The following OCA2 variants were observed in gnomAD, a reference collection of about 807,000 sequenced individuals.
The protein encoded by OCA2 is OCA2 melanosomal transmembrane protein, also known as P protein.
In OCA2, 77 loss-of-function variants were observed where a neutral mutation model predicts 100.2. The observed-to-expected ratio is 0.77, with a 90% CI of 0.64 to 0.93. The LOEUF (loss-of-function observed/expected upper bound fraction) is 0.93. Among genes scored for constraint, OCA2 ranks in the 40% least tolerant of loss-of-function variants. The pLI is 0.00. For missense variants in OCA2, 1,062 were observed against 1,089.1 expected (o/e 0.98, Z 0.35); for synonymous variants, 432 against 439.2 (o/e 0.98, Z 0.21).
chr15:27,943,726 C>T (rs933930862), intron 18 of OCA2, among the ~76,000 whole-genome samples: 4 of 151,342 alleles, frequency 2.6e-5, no homozygotes, highest in Non-Finnish European at 5.9e-5. Context: ...TTAACCCAGG[C>T]TCTTCTTTCT....
intron 23 of OCA2, among the ~76,000 whole-genome samples, chr15:27,832,042 C>T (rs1234835032): frequency 6.6e-6 from 1 of 152,094 alleles, no homozygotes; most frequent in African/African-American, 2.4e-5. Context: ...TGCCAGACCT[C>T]TATGCTTGCA....
chr15:28,023,267 A>G (rs141025389), intron 5 of OCA2, among the ~76,000 whole-genome samples: 68 of 152,346 alleles, frequency 4.5e-4, no homozygotes, highest in African/African-American at 1.5e-3. Context: ...TCAGAGCTCA[A>G]TGTAATTGGT....
At chr15:27,903,625 C>A (rs2038053308) in intron 19 of OCA2, among the ~76,000 whole-genome samples, 1 of 152,218 alleles carries the variant, frequency 6.6e-6, no homozygotes, top group South Asian at 2.1e-4. Flanking sequence ...TTCCTGCCCT[C>A]CATCCCCCAG....
chr15:27,764,235 G>A (rs1171064196), intron 23 of OCA2, among the ~76,000 whole-genome samples: 1 of 151,454 alleles, frequency 6.6e-6, no homozygotes, highest in Non-Finnish European at 1.5e-5. Flanking sequence ...GAAAATAGAG[G>A]GGAGAAAGGA....
chr15:27,990,564 G>C lies in OCA2; in HGVS notation c.1116+12C>G. 1 of 1,613,470 alleles carries C rather than the reference G, an allele frequency of 6.2e-7. No individual in the cohort carries two copies. The highest frequency in any genetic ancestry group is 8.5e-7 in the Non-Finnish European group (1 of 1,179,532). Reference sequence around the variant, plus strand: ...GAGTGGTAAGCCAGGGATTGGGACTGTGACAACTTACATCGCCAATCACAG... The same window carrying C: ...GAGTGGTAAGCCAGGGATTGGGACTCTGACAACTTACATCGCCAATCACAG... On this transcript the variant is annotated intron_variant, in intron 10 of 23. Transcript: ENST00000354638.
At chr15:27,944,478 T>G (rs2039764102) in intron 18 of OCA2, among the ~76,000 whole-genome samples, 1 of 152,224 alleles carries the variant, frequency 6.6e-6, no homozygotes, top group South Asian at 2.1e-4. Context: ...CCAGCCATTA[T>G]TCTGGAGGTC....
intron 18 of OCA2, among the ~76,000 whole-genome samples, chr15:27,942,598 G>A (rs2039688238): frequency 6.6e-6 from 1 of 152,084 alleles, no homozygotes; most frequent in South Asian, 2.1e-4. Context: ...GACAATGGTT[G>A]TACAACTTTG....
At position 27,951,871 on chromosome 15, in the gene OCA2, G is replaced by A. The variant is rs543493041; in HGVS notation, c.1864C>T (p.Leu622=). Residue 622 remains leucine, a synonymous_variant, in exon 18 of 24, where the codon CTG becomes TTG. Transcript: ENST00000354638. ...QKKHRISDGI[L]LAKCLTVLGF... ...AACACTGTCAGGCATTTGGCGAGCA[G>A]AATCCCGTCAGATATCCTATGCTGT... 2.3e-5 allele frequency: 37 copies of A among 1,613,316 alleles called. No homozygotes were observed. Among genetic ancestry groups the A allele is most frequent in the Non-Finnish European group, 3.1e-5 (36 of 1,179,274 alleles).
chr15:27,726,770 A>G, the OCA2 span, among the ~76,000 whole-genome samples: 1 of 151,202 alleles, frequency 6.6e-6, no homozygotes, highest in Non-Finnish European at 1.5e-5. Context: ...AATAAAATAA[A>G]AAGAAGAAGG....
chr15:27,804,229 T>C (rs2033732128), intron 23 of OCA2, among the ~76,000 whole-genome samples: 1 of 152,230 alleles, frequency 6.6e-6, no homozygotes, highest in African/African-American at 2.4e-5. Flanking sequence ...CCAGGAATTG[T>C]GAGAAGAACA....
intron 21 of OCA2, among the ~76,000 whole-genome samples, chr15:27,870,910 G>A (rs1293843979): frequency 4.6e-5 from 7 of 152,152 alleles, no homozygotes; most frequent in Non-Finnish European, 8.8e-5. Flanking sequence ...GGCTGACCTC[G>A]AGATCACCAG....
chr15:27,804,692 C>G (rs2033751809), intron 23 of OCA2, among the ~76,000 whole-genome samples: 1 of 152,152 alleles, frequency 6.6e-6, no homozygotes, highest in Non-Finnish European at 1.5e-5. Flanking sequence ...AACTAGAGCC[C>G]AGAGAATGGG....
chr15:28,073,671 C>G (rs899934446), intron 2 of OCA2, among the ~76,000 whole-genome samples: 1 of 152,128 alleles, frequency 6.6e-6, no homozygotes, highest in Non-Finnish European at 1.5e-5. Context: ...ACCTAGGTGA[C>G]GGGATCCATA....
At position 28,054,143 on chromosome 15, in the gene OCA2, C is replaced by A. The variant is rs893281307; in HGVS notation, c.228-21980G>T. Among the ~76,000 whole-genome samples, 4 of 152,066 alleles carry A rather than the reference C, an allele frequency of 2.6e-5. No individual in the cohort carries two copies. In the East Asian group the frequency reaches 7.7e-4, roughly 29 times the overall value. On this transcript the variant is annotated intron_variant, in intron 2 of 23. Coordinates refer to ENST00000354638, the MANE Select transcript of OCA2 (RefSeq NM_000275.3). ...GTGTATGTAAATATGTGTATGTATACAAATACTGTACATATATGTATTATA... is the reference window on the plus strand; with the variant it reads ...GTGTATGTAAATATGTGTATGTATAAAAATACTGTACATATATGTATTATA...
intron 23 of OCA2, among the ~76,000 whole-genome samples, chr15:27,841,952 T>C (rs969281780): frequency 2.6e-5 from 4 of 152,248 alleles, no homozygotes; most frequent in African/African-American, 9.6e-5. Context: ...TGCCAGCTTG[T>C]CAATATTTAT....
downstream of OCA2, among the ~76,000 whole-genome samples, chr15:27,751,231 C>T (rs1447117215): frequency 2.6e-5 from 4 of 152,150 alleles, no homozygotes; most frequent in Non-Finnish European, 5.9e-5. Context: ...GTGCTAAGTC[C>T]GCATAATAAT....
At chr15:27,996,925 A>C (rs1025809218) in intron 9 of OCA2, among the ~76,000 whole-genome samples, 1 of 151,900 alleles carries the variant, frequency 6.6e-6, no homozygotes, top group African/African-American at 2.4e-5. Flanking sequence ...AAGAGAGAAC[A>C]CTTCGAAACT....
the OCA2 span, among the ~76,000 whole-genome samples, chr15:27,729,715 C>T: frequency 6.6e-6 from 1 of 152,184 alleles, no homozygotes; most frequent in South Asian, 2.1e-4. Context: ...CGTTTAAGGA[C>T]TCATGGTTGT....
At chr15:27,769,884 TCGGCCTGTGTG>T (rs2031579773) in intron 23 of OCA2, among the ~76,000 whole-genome samples, 1 of 137,790 alleles carries the variant, frequency 7.3e-6, no homozygotes, top group African/African-American at 3.6e-5. Flanking sequence ...GTGCAGCGCC[TCGGCCTGTGTG>T]CAGCGCCTCG....
Sources: allele counts gnomAD v4.1 joint callset (sites outside exome capture counted in the v4.1 genomes callset), GRCh38; gene constraint gnomAD v4.1.1; transcripts MANE v1.5; gene names NCBI Gene and HGNC (gene_info 2026-07-23, HGNC 2026-07-21).